Variants in MFSD12 observed in about 807,000 individuals in gnomAD.
MFSD12 encodes the protein major facilitator superfamily domain containing 12, also known as major facilitator superfamily domain-containing protein 12.
MFSD12 carries 67 observed loss-of-function variants against 51.2 expected under a neutral mutation model. That is an observed-to-expected ratio of 1.31 (90% CI 1.08 to 1.60). The LOEUF is 1.60. Among genes scored for constraint, MFSD12 ranks in the 40% most tolerant of loss-of-function variants. The pLI, the probability that MFSD12 is intolerant of heterozygous loss-of-function variation, is 0.00. For synonymous variants in MFSD12, 441 were observed against 316.7 expected, an observed-to-expected ratio of 1.39 and a Z score of -4.17; for missense variants, 921 against 673.0, an observed-to-expected ratio of 1.37 and a Z score of -4.08.
chr19:3,542,445 A>C (rs748169266), downstream of MFSD12: 447 of 985,298 alleles, frequency 4.5e-4, no homozygotes, highest in Non-Finnish European at 5.2e-4. Context: ...TCCCAAGAGC[A>C]AGGTCAAAGC....
At chr19:3,540,705 C>A (rs1334579677), downstream of MFSD12, among the ~76,000 whole-genome samples, 4 of 150,440 alleles carry the variant, frequency 2.7e-5, no homozygotes, top group African/African-American at 4.9e-5. Context: ...CATGGTGAAA[C>A]CCCGTCTCTA....
chr19:3,551,780 G>A lies in MFSD12; in HGVS notation c.299-586C>T, dbSNP rs551765181. Among the ~76,000 whole-genome samples, 3 of 152,198 alleles carry A rather than the reference G, an allele frequency of 2.0e-5. No individual in the cohort carries two copies. Among genetic ancestry groups the A allele is most frequent in the South Asian group, 2.1e-4 (1 of 4,812 alleles). On this transcript the variant is annotated intron_variant, in intron 1 of 9. Coordinates refer to ENST00000355415, the MANE Select transcript of MFSD12 (RefSeq NM_174983.5). This position sits in a 1 kb window ranked among gnomAD's most constrained non-coding sequence, Gnocchi z 4.6. ...ATGTAAGATCCTCCCCGCAGCCCACGGAGCCCTTTGCGACCTGCCCTGTCC... is the reference window on the plus strand; with the variant it reads ...ATGTAAGATCCTCCCCGCAGCCCACAGAGCCCTTTGCGACCTGCCCTGTCC...
chr19:3,547,250 T>C, intron 6 of MFSD12, 22 bp downstream of exon 6: 1 of 1,604,526 alleles, frequency 6.2e-7, no homozygotes, highest in Non-Finnish European at 8.5e-7. Context: ...GCCCCAGCTG[T>C]CCCCGGTCCC....
chr19:3,557,015 A>T, intron 1 of MFSD12, 91 bp downstream of exon 1: 1 of 1,018,066 alleles, frequency 9.8e-7, no homozygotes, highest in Non-Finnish European at 1.2e-6. Context: ...TGAGGCAGGC[A>T]GACGGCGGGT....
intron 8 of MFSD12, 103 bp from the exon 9 acceptor site, chr19:3,545,042 GTCCAA>G: frequency 7.0e-7 from 1 of 1,431,850 alleles, no homozygotes. Context: ...GCTCCGTCCT[GTCCAA>G]TCCAGGAGCT....
In MFSD12 at chr19:3,548,175, T is replaced by TGGGTGG. The variant is rs764282346; in HGVS notation, c.596_601dup (p.Pro199_Thr200dup). 253 of 1,595,982 alleles carry TGGGTGG rather than the reference T, an allele frequency of 1.6e-4. No homozygotes were observed. The African/African-American group carries it at 3.3e-3, about 21-fold the overall frequency. On this transcript the variant is annotated inframe_insertion, in exon 3 of 10. Transcript: ENST00000355415. ...CAGCTGGTCGCTGATGCTGATGTCT[T>TGGGTGG]GGGTGGGCTCCACCCGCGACGAGCC... is the stretch of plus-strand genomic sequence containing the variant.
intron 8 of MFSD12, 83 bp from the exon 9 acceptor site, chr19:3,545,022 C>A: frequency 6.7e-7 from 1 of 1,494,008 alleles, no homozygotes; most frequent in Admixed American, 2.0e-5. Flanking sequence ...TCCCCTCACC[C>A]CCGACAGCGG....
downstream of MFSD12, chr19:3,542,905 A>T: frequency 1.4e-6 from 2 of 1,423,848 alleles, no homozygotes; most frequent in Non-Finnish European, 1.9e-6. Flanking sequence ...TGGAGGCTGG[A>T]CAAGGACTGT....
intron 1 of MFSD12, among the ~76,000 whole-genome samples, chr19:3,552,770 C>T (rs2031544902): frequency 6.6e-6 from 1 of 152,180 alleles, no homozygotes; most frequent in Admixed American, 6.5e-5. Flanking sequence ...CAGACTTGAG[C>T]CACCATACCG....
chr19:3,545,678 TC>T (rs2030948960), intron 8 of MFSD12, among the ~76,000 whole-genome samples: 1 of 152,226 alleles, frequency 6.6e-6, no homozygotes, highest in Non-Finnish European at 1.5e-5. Context: ...CACGGCTGGC[TC>T]TGCCCCAGGC....
Position 3,548,155 on chromosome 19 carries a change from G to A in MFSD12, c.622C>T (p.Gln208Ter), listed in dbSNP as rs1231768809. The A allele has an allele frequency of 1.2e-6, 2 of 1,603,898 alleles. No individual in the cohort carries two copies. The highest frequency in any genetic ancestry group is 3.4e-5 in the Admixed American group (2 of 59,158). Residue 208 changes from glutamine (Q) to a stop codon, truncating the protein, a stop_gained, in exon 3 of 10, where the codon CAG (glutamine) becomes TAG (stop). Coordinates refer to ENST00000355415, the MANE Select transcript of MFSD12 (RefSeq NM_174983.5). LOFTEE classifies it high-confidence loss of function. ...ACGGGCACGTCCTGGCCCCCCAGCT[G>A]GTCGCTGATGCTGATGTCTTGGGTG... ...EPTQDISISDQLGGQDVPVFR... is the reference protein window; with the variant it reads ...EPTQDISISD
chr19:3,538,986 C>A, intron 4 of MFSD12: 1 of 629,102 alleles, frequency 1.6e-6, no homozygotes, highest in Non-Finnish European at 2.9e-6. Context: ...CCTGGCCTTG[C>A]CCACCCACAC....
chr19:3,555,021 G>A (rs2031663217), intron 1 of MFSD12, among the ~76,000 whole-genome samples: 1 of 152,186 alleles, frequency 6.6e-6, no homozygotes, highest in Non-Finnish European at 1.5e-5. Flanking sequence ...ACGCCTTGGT[G>A]TCCGGTTGGA....
rs778055610 is a variant in MFSD12, at chr19:3,546,285, GGCCAGCGAGGTGACGAGGATGGTGGCACA to G, written c.1135_1163del (p.Cys379HisfsTer25). 6.2e-7 allele frequency: 1 copy of G among 1,610,468 alleles called. No individual in the cohort carries two copies. The highest frequency in any genetic ancestry group is 2.2e-5 in the East Asian group (1 of 44,786). On this transcript the variant is annotated frameshift_variant, in exon 7 of 10. Transcript: ENST00000355415. LOFTEE classifies it high-confidence loss of function. ...GGGGACCGATGAGGTCGGCCGTCATGGCCAGCGAGGTGACGAGGATGGTGGCACAGCCAGCACCCAGCAGCACAGCCGCT... is the reference window on the plus strand; with the variant it reads ...GGGGACCGATGAGGTCGGCCGTCATGGCCAGCACCCAGCAGCACAGCCGCT...
chr19:3,545,703 G>A (rs1383891541), intron 8 of MFSD12, among the ~76,000 whole-genome samples: 1 of 152,234 alleles, frequency 6.6e-6, no homozygotes, highest in African/African-American at 2.4e-5. Context: ...GACCGGCTGT[G>A]GTTTCCAGGC....
At chr19:3,541,795 T>G, downstream of MFSD12, 1 of 984,856 alleles carries the variant, frequency 1.0e-6, no homozygotes, top group Non-Finnish European at 1.2e-6. Context: ...CATTTCTCAT[T>G]GAATATTATT....
At chr19:3,539,108 GGGTGGCCTTTATGCTGTCAAC>G in intron 4 of MFSD12, 1 of 1,040,706 alleles carries the variant, frequency 9.6e-7, no homozygotes, top group Non-Finnish European at 1.4e-6. Context: ...CCGAGACACT[GGGTGGCCTTTATGCTGTCAAC>G]GGTGGCCTCA....
downstream of MFSD12, chr19:3,543,086 G>T: frequency 1.3e-6 from 2 of 1,567,798 alleles, no homozygotes; most frequent in East Asian, 4.6e-5. Flanking sequence ...GAGGGGTACA[G>T]GGCTGAAGGA....
chr19:3,551,304 C>A lies in MFSD12; in HGVS notation c.299-110G>T, dbSNP rs375631334. On this transcript the variant is annotated intron_variant, in intron 1 of 9. Transcript: ENST00000355415. This position sits in a 1 kb window ranked among gnomAD's most constrained non-coding sequence, Gnocchi z 4.6. ...GAAACTGAGGCACAGATGGAGACGCCCCCCGCATGCACACAGTCACGCAGG... is the reference window on the plus strand; with the variant it reads ...GAAACTGAGGCACAGATGGAGACGCACCCCGCATGCACACAGTCACGCAGG... The A allele has an allele frequency of 5.3e-4, 442 of 829,764 alleles. 3 individuals are homozygous for A. In the African/African-American group the frequency reaches 6.8e-3, roughly 13 times the overall value. The allele number at this position is 829,764 out of a possible 1,614,324, so 51.4% of individuals were successfully genotyped here.
Sources: allele counts gnomAD v4.1 joint callset (sites outside exome capture counted in the v4.1 genomes callset), GRCh38; gene constraint gnomAD v4.1.1; non-coding constraint Gnocchi (gnomAD v3.1); transcripts MANE v1.5; gene names NCBI Gene and HGNC (gene_info 2026-07-23, HGNC 2026-07-21).